TMEM132D: variants seen among roughly 807,000 people sequenced by gnomAD.
TMEM132D encodes the protein transmembrane protein 132D.
A neutral mutation model predicts 62.3 loss-of-function variants in TMEM132D; 21 were observed. That is an observed-to-expected ratio of 0.34 (90% CI 0.24 to 0.49). The LOEUF (loss-of-function observed/expected upper bound fraction) is 0.49, where lower values mean the gene tolerates loss of function less well. TMEM132D is among the 20% of genes least tolerant of loss of function. The pLI is 0.99. For missense variants in TMEM132D, 1,346 were observed against 1,402.8 expected (o/e 0.96, Z 0.65); for synonymous variants, 621 against 575.6 (o/e 1.08, Z -1.13).
chr12:129,578,616 A>G (rs893466794), intron 2 of TMEM132D, among the ~76,000 whole-genome samples: 6 of 152,024 alleles, frequency 3.9e-5, no homozygotes, highest in Admixed American at 1.3e-4. Context: ...AGGCTGTTAC[A>G]TCCTACAATC....
rs1874460708 is a variant in TMEM132D at position 129,081,876 on chromosome 12, C to A, written c.1806G>T (p.Trp602Cys). The change falls in exon 7 of 9, where the codon TGG becomes TGT. Residue 602 changes from tryptophan to cysteine, a missense_variant. By Grantham distance (215) the Trp-to-Cys change is radical. Transcript: ENST00000422113. ...GHLAHLLGSD[W>C]QVDITELIND... ...TTATCAGCTCCGTGATGTCCACTTGCCAGTCTGAGCCCAGCAGGTGGGCCA... is the reference window on the plus strand; with the variant it reads ...TTATCAGCTCCGTGATGTCCACTTGACAGTCTGAGCCCAGCAGGTGGGCCA... 1 of 1,614,108 alleles carries A rather than the reference C, an allele frequency of 6.2e-7. No homozygotes were observed.
At chr12:129,679,776 T>TA (rs550218237) in intron 2 of TMEM132D, among the ~76,000 whole-genome samples, 3 of 151,846 alleles carry the variant, frequency 2.0e-5, no homozygotes, top group African/African-American at 7.2e-5. Context: ...ATTTATATTT[T>TA]AAAAAAAAAT....
intron 1 of TMEM132D, among the ~76,000 whole-genome samples, chr12:129,883,562 TTCAAA>T (rs1447227317): frequency 5.3e-5 from 8 of 152,236 alleles, no homozygotes; most frequent in Non-Finnish European, 1.0e-4. Flanking sequence ...AAAATTTCAT[TTCAAA>T]TCAAAAGATT....
intron 1 of TMEM132D, among the ~76,000 whole-genome samples, chr12:129,817,936 A>AGT (rs961659948): frequency 4.2e-5 from 3 of 71,512 alleles, no homozygotes; most frequent in African/African-American, 1.0e-4. Flanking sequence ...TGTGGTTTGG[A>AGT]GTGTGTGTGT....
chr12:129,647,903 T>C (rs896396035), intron 2 of TMEM132D, among the ~76,000 whole-genome samples: 1 of 152,154 alleles, frequency 6.6e-6, no homozygotes, highest in African/African-American at 2.4e-5. Flanking sequence ...CGATTTGCCT[T>C]TAACCTCCAA....
rs373489374 is a variant in TMEM132D at position 129,621,403 on chromosome 12, GC to G, written c.968+78406del. ...CCGCCACCCTCCCCCTGCCCCCACT[GC>G]CACATGTTGTCTATTCATGCACATT... On this transcript the variant is annotated intron_variant, in intron 2 of 8. Transcript: ENST00000422113. 2.0e-3 allele frequency among the ~76,000 whole-genome samples: 307 copies of G among 152,170 alleles called. 10 individuals are homozygous for G. The South Asian group carries it at 0.062, about 31-fold the overall frequency.
At chr12:129,660,349 G>A (rs537907295) in intron 2 of TMEM132D, among the ~76,000 whole-genome samples, 13 of 152,062 alleles carry the variant, frequency 8.5e-5, no homozygotes, top group African/African-American at 4.8e-5. Context: ...ATGATGCAGC[G>A]TTCTTACCAT....
intron 4 of TMEM132D, among the ~76,000 whole-genome samples, chr12:129,324,290 C>T (rs937494415): frequency 6.6e-6 from 1 of 152,146 alleles, no homozygotes; most frequent in Non-Finnish European, 1.5e-5. Context: ...CAAGCGAATC[C>T]AGTCTTAAAC....
chr12:129,207,670 C>T (rs1342383579), intron 5 of TMEM132D, among the ~76,000 whole-genome samples: 1 of 152,078 alleles, frequency 6.6e-6, no homozygotes, highest in Non-Finnish European at 1.5e-5. Flanking sequence ...TAGCGTGAGG[C>T]CAGCGTTACA....
intron 4 of TMEM132D, among the ~76,000 whole-genome samples, chr12:129,243,952 C>G (rs1211451912): frequency 6.6e-6 from 1 of 151,852 alleles, no homozygotes; most frequent in Non-Finnish European, 1.5e-5. Flanking sequence ...GAAGTGGGTA[C>G]CTGGCTTAGG....
chr12:129,677,362 C>T (rs1269242118), intron 2 of TMEM132D, among the ~76,000 whole-genome samples: 3 of 152,156 alleles, frequency 2.0e-5, no homozygotes, highest in Non-Finnish European at 4.4e-5. Flanking sequence ...TTGCCTTTGC[C>T]GTGATCATGA....
intron 2 of TMEM132D, among the ~76,000 whole-genome samples, chr12:129,589,198 A>T (rs1878122452): frequency 6.6e-6 from 1 of 152,014 alleles, no homozygotes; most frequent in Non-Finnish European, 1.5e-5. Flanking sequence ...GGGGTAGTTT[A>T]CCCCATACTG....
At chr12:129,508,202 A>T (rs1875396436) in intron 3 of TMEM132D, among the ~76,000 whole-genome samples, 1 of 152,202 alleles carries the variant, frequency 6.6e-6, no homozygotes, top group African/African-American at 2.4e-5. Context: ...ATAGAGTTTA[A>T]CTTATATTAT....
At chr12:129,739,400 G>A (rs2137258252) in intron 1 of TMEM132D, among the ~76,000 whole-genome samples, 1 of 152,274 alleles carries the variant, frequency 6.6e-6, no homozygotes, top group South Asian at 2.1e-4. Context: ...AGACAGAGGA[G>A]ACGTCAACTC....
At chr12:129,516,534 AT>A (rs1179472359) in intron 3 of TMEM132D, among the ~76,000 whole-genome samples, 1 of 152,202 alleles carries the variant, frequency 6.6e-6, no homozygotes, top group Non-Finnish European at 1.5e-5. Context: ...TCCCCTTATA[AT>A]ACCATCAGAT....
At chr12:129,471,608 C>T (rs184222045) in intron 3 of TMEM132D, among the ~76,000 whole-genome samples, 113 of 152,306 alleles carry the variant, frequency 7.4e-4, no homozygotes, top group Non-Finnish European at 1.4e-3. Flanking sequence ...GAAGGCTCCT[C>T]CATCTTTTAC....
chr12:129,522,691 C>T (rs1158489012), intron 3 of TMEM132D: 2 of 152,108 alleles, frequency 1.3e-5, no homozygotes, highest in Non-Finnish European at 2.9e-5. Flanking sequence ...GAAATCTATT[C>T]GCTTGTTGAC....
At chr12:129,112,209 G>A (rs1168984115) in intron 5 of TMEM132D, among the ~76,000 whole-genome samples, 1 of 152,206 alleles carries the variant, frequency 6.6e-6, no homozygotes, top group Non-Finnish European at 1.5e-5. Flanking sequence ...GGGTATATTA[G>A]TGAGGCCTGC....
rs184518953 is a variant in TMEM132D, at chr12:129,083,445, C to T, written c.1649+1052G>A. ...CAGGTCTTTGGGGAATCTTCCCCTA[C>T]AGTTTTTTCCCTCCGCAGCGCCAAC... On this transcript the variant is annotated intron_variant, in intron 6 of 8. Coordinates refer to ENST00000422113, the MANE Select transcript of TMEM132D (RefSeq NM_133448.3). 2.0e-5 allele frequency among the ~76,000 whole-genome samples: 3 copies of T among 152,306 alleles called. No individual in the cohort carries two copies. In the East Asian group the frequency reaches 5.8e-4, roughly 29 times the overall value.
Sources: gnomAD v4.1 joint callset for allele counts (sites outside exome capture counted in the v4.1 genomes callset) on GRCh38, gnomAD v4.1.1 for gene constraint, MANE v1.5 for transcripts, NCBI Gene and HGNC (gene_info 2026-07-23, HGNC 2026-07-21) for gene names.